XKR4: variants seen among roughly 807,000 people sequenced by gnomAD.
XKR4 encodes XK-related protein 4.
In XKR4, 12 loss-of-function variants were observed where a neutral mutation model predicts 53.9. That is an observed-to-expected ratio of 0.22 (90% CI 0.14 to 0.36). The LOEUF (loss-of-function observed/expected upper bound fraction) is 0.36, where lower values mean the gene tolerates loss of function less well. XKR4 is among the 10% of genes least tolerant of loss of function. XKR4 has a pLI of 1.00. For synonymous variants in XKR4, 354 were observed against 362.4 expected (o/e 0.98, Z 0.26); for missense variants, 799 against 859.5 (o/e 0.93, Z 0.88).
intron 1 of XKR4, among the ~76,000 whole-genome samples, chr8:55,327,891 C>T (rs934832034): frequency 5.9e-5 from 9 of 152,122 alleles, no homozygotes; most frequent in Non-Finnish European, 1.5e-5. Flanking sequence ...ACATGGATAA[C>T]TCTAGCAGCA....
intron 2 of XKR4, among the ~76,000 whole-genome samples, chr8:55,415,379 C>T (rs1472960500): frequency 2.0e-5 from 3 of 152,124 alleles, no homozygotes; most frequent in African/African-American, 7.2e-5. Context: ...TCAGAAAAAC[C>T]ATGGCTGTAA....
At chr8:55,434,122 T>C (rs2622599) in intron 2 of XKR4, among the ~76,000 whole-genome samples, 85,364 of 152,064 alleles carry the variant, frequency 0.56, 25,707 homozygotes, top group African/African-American at 0.78. Context: ...AGTTTACTTA[T>C]TAAAAAATAA....
chr8:55,203,132 G>C (rs1452875764), intron 1 of XKR4, among the ~76,000 whole-genome samples: 1 of 151,686 alleles, frequency 6.6e-6, no homozygotes, highest in Non-Finnish European at 1.5e-5. Context: ...TGACAGACAT[G>C]TGTGCCCAGC....
intron 1 of XKR4, among the ~76,000 whole-genome samples, chr8:55,354,904 A>AT (rs772993526): frequency 0.077 from 11,024 of 142,594 alleles, 479 homozygotes; most frequent in South Asian, 0.11. Context: ...TCAGTATAGA[A>AT]TTTTTTTTTT....
Position 55,524,129 on chromosome 8 carries a change from G to A in XKR4, c.1855G>A (p.Ala619Thr), listed in dbSNP as rs779714155. 1.9e-5 allele frequency: 30 copies of A among 1,614,068 alleles called. No individual in the cohort carries two copies. The highest frequency in any genetic ancestry group is 2.5e-5 in the Non-Finnish European group (29 of 1,180,054). The stretch of plus-strand genomic sequence containing the variant: ...TGTTTTGGACCGAAGCCTCCGAAAG[G>A]CTATTTTAGCTTTTGAATGTTCCCC... ...RHVLDRSLRKAILAFECSPSP... is the reference protein window; with the variant it reads ...RHVLDRSLRKTILAFECSPSP... Residue 619 changes from alanine to threonine, a missense_variant, in exon 3 of 3, where the codon GCT becomes ACT. Ala to Thr is a moderately conservative substitution (Grantham distance 58). Transcript: ENST00000327381.
At chr8:55,461,141 C>T (rs529251391) in intron 2 of XKR4, among the ~76,000 whole-genome samples, 23 of 152,346 alleles carry the variant, frequency 1.5e-4, no homozygotes, top group Middle Eastern at 3.4e-3. Flanking sequence ...TCTCTCAGCA[C>T]GCAGCTTGAG....
At chr8:55,214,236 A>C (rs1817772059) in intron 1 of XKR4, among the ~76,000 whole-genome samples, 2 of 152,170 alleles carry the variant, frequency 1.3e-5, no homozygotes. Context: ...AGCACAATTC[A>C]GTAAATTTAA....
At chr8:55,330,895 A>T (rs1280892963) in intron 1 of XKR4, among the ~76,000 whole-genome samples, 1 of 152,118 alleles carries the variant, frequency 6.6e-6, no homozygotes, top group African/African-American at 2.4e-5. Flanking sequence ...CATTTTGTAC[A>T]AGTTGTGAGT....
At chr8:55,441,117 G>A (rs1437689721) in intron 2 of XKR4, among the ~76,000 whole-genome samples, 1 of 151,760 alleles carries the variant, frequency 6.6e-6, no homozygotes, top group African/African-American at 2.4e-5. Flanking sequence ...ATGCATGCCT[G>A]TAGTCCTAGC....
intron 1 of XKR4, among the ~76,000 whole-genome samples, chr8:55,307,304 A>G (rs1011852831): frequency 6.6e-6 from 1 of 152,150 alleles, no homozygotes; most frequent in African/African-American, 2.4e-5. Flanking sequence ...CAAAAAACAA[A>G]CAACCTAAGT....
At chr8:55,286,030 C>G (rs1387305270) in intron 1 of XKR4, among the ~76,000 whole-genome samples, 5 of 152,220 alleles carry the variant, frequency 3.3e-5, no homozygotes. Context: ...GTGTATAAGT[C>G]TATCTGCCGA....
Position 55,426,372 on chromosome 8 carries a change from C to T in XKR4, c.1006+68495C>T, listed in dbSNP as rs559925820. On this transcript the variant is annotated intron_variant, in intron 2 of 2. Coordinates refer to ENST00000327381, the MANE Select transcript of XKR4 (RefSeq NM_052898.2). Reference sequence around the variant, plus strand: ...CTAAAACTCATGGCATGCTCACTTGCGCTCTCTCTCTCTCTCTGTCACACA... The same window carrying T: ...CTAAAACTCATGGCATGCTCACTTGTGCTCTCTCTCTCTCTCTGTCACACA... 1.6e-4 allele frequency among the ~76,000 whole-genome samples: 24 copies of T among 152,128 alleles called. No homozygotes were observed. In the East Asian group the frequency reaches 3.7e-3, roughly 23 times the overall value.
intron 2 of XKR4, among the ~76,000 whole-genome samples, chr8:55,456,399 C>G (rs1331126039): frequency 6.6e-6 from 1 of 151,738 alleles, no homozygotes; most frequent in Non-Finnish European, 1.5e-5. Flanking sequence ...CCATTGTACT[C>G]CAGCCTGGGC....
At chr8:55,109,628 CT>C (rs1382841281) in intron 1 of XKR4, among the ~76,000 whole-genome samples, 5 of 152,122 alleles carry the variant, frequency 3.3e-5, no homozygotes, top group African/African-American at 1.2e-4. Flanking sequence ...TCTGTGATGT[CT>C]TTGCAATAAC....
At chr8:55,521,097 A>G (rs78750421) in intron 2 of XKR4, 4,274 of 152,348 alleles carry the variant, frequency 0.028, 83 homozygotes, top group Middle Eastern at 0.048. Flanking sequence ...AGCTGTGCTG[A>G]AGGAGGCCGG....
chr8:55,463,521 T>G (rs1229749078), intron 2 of XKR4, among the ~76,000 whole-genome samples: 1 of 151,128 alleles, frequency 6.6e-6, no homozygotes, highest in Non-Finnish European at 1.5e-5. Context: ...CAAGAGAAAG[T>G]AGGAAAGATC....
At chr8:55,236,319 C>G (rs1395712688) in intron 1 of XKR4, among the ~76,000 whole-genome samples, 5 of 152,138 alleles carry the variant, frequency 3.3e-5, no homozygotes, top group Admixed American at 3.3e-4. Context: ...TACAGTCCAG[C>G]CCTGGCCTGG....
intron 1 of XKR4, among the ~76,000 whole-genome samples, chr8:55,157,596 G>C (rs1417673490): frequency 6.6e-6 from 1 of 152,036 alleles, no homozygotes; most frequent in Non-Finnish European, 1.5e-5. Context: ...CATGGGGGTT[G>C]GGTATACAGA....
At chr8:55,127,633 C>T (rs1343936382) in intron 1 of XKR4, among the ~76,000 whole-genome samples, 1 of 150,686 alleles carries the variant, frequency 6.6e-6, no homozygotes, top group African/African-American at 2.4e-5. Flanking sequence ...GCACAACGTG[C>T]AGGTTTGTTA....
Sources: gnomAD v4.1 joint callset for allele counts (sites outside exome capture counted in the v4.1 genomes callset) on GRCh38, gnomAD v4.1.1 for gene constraint, MANE v1.5 for transcripts, NCBI Gene and HGNC (gene_info 2026-07-23, HGNC 2026-07-21) for gene names.